NFILZ: variants seen among roughly 807,000 people sequenced by gnomAD.
The protein encoded by NFILZ is NFIL3 like basic leucine zipper.
chr19:8,672,126 A>T (rs932706809), intron 3 of NFILZ, among the ~76,000 whole-genome samples: 3 of 152,126 alleles, frequency 2.0e-5, no homozygotes, highest in Admixed American at 6.5e-5. Flanking sequence ...TTCCAAAAAG[A>T]TATTCATGCA....
At chr19:8,661,499 G>T (rs1268122606) in intron 3 of NFILZ, among the ~76,000 whole-genome samples, 1 of 152,124 alleles carries the variant, frequency 6.6e-6, no homozygotes, top group African/African-American at 2.4e-5. Context: ...ATGAGCTGAT[G>T]GGTTTGTTAA....
At chr19:8,635,082 G>T (rs1344864106) in intron 2 of NFILZ, among the ~76,000 whole-genome samples, 1 of 151,906 alleles carries the variant, frequency 6.6e-6, no homozygotes, top group African/African-American at 2.4e-5. Context: ...GGCTGAGGCG[G>T]GTGGATCACT....
intron 3 of NFILZ, among the ~76,000 whole-genome samples, chr19:8,636,216 G>A (rs1179010022): frequency 4.7e-5 from 7 of 150,042 alleles, no homozygotes; most frequent in Admixed American, 2.0e-4. Flanking sequence ...TTGGGAGGCC[G>A]AGGCGGGTGA....
intron 3 of NFILZ, among the ~76,000 whole-genome samples, chr19:8,662,826 G>A (rs1555749280): frequency 6.6e-6 from 1 of 151,472 alleles, no homozygotes; most frequent in Non-Finnish European, 1.5e-5. Flanking sequence ...TAGTAGACAT[G>A]GGGTTTCACT....
At chr19:8,657,324 G>A (rs1415355435) in intron 3 of NFILZ, among the ~76,000 whole-genome samples, 3 of 151,608 alleles carry the variant, frequency 2.0e-5, no homozygotes, top group Non-Finnish European at 2.9e-5. Flanking sequence ...GGATGGTCTC[G>A]ATCTCCTGAC....
intron 3 of NFILZ, among the ~76,000 whole-genome samples, chr19:8,639,297 C>G (rs1020933346): frequency 3.3e-5 from 5 of 152,162 alleles, no homozygotes; most frequent in African/African-American, 1.2e-4. Context: ...GCATGGCAGG[C>G]CAGGCATGGC....
rs564522108 is a variant in NFILZ at position 8,631,521 on chromosome 19, C to T, written c.-411+777C>T. ...TCTTCTGGGAAGGCAGCGGAGTCCC[C>T]TGGGACAAAGCCCAGGGATTAGCTC... is the stretch of plus-strand genomic sequence containing the variant. On this transcript the variant is annotated intron_variant, in intron 1 of 5. Coordinates refer to ENST00000691075, the MANE Select transcript of NFILZ (RefSeq NM_001378600.1). Among the ~76,000 whole-genome samples the T allele has an allele frequency of 1.0e-3, 153 of 152,202 alleles. 1 individual carries two copies. The highest frequency in any genetic ancestry group is 3.5e-3 in the African/African-American group (147 of 41,542).
chr19:8,646,658 G>A (rs2042940389), intron 3 of NFILZ, among the ~76,000 whole-genome samples: 1 of 152,158 alleles, frequency 6.6e-6, no homozygotes, highest in Admixed American at 6.6e-5. Context: ...CCTGCACAAT[G>A]CAGTTCCCTC....
At chr19:8,637,023 C>G (rs565763769) in intron 3 of NFILZ, among the ~76,000 whole-genome samples, 2 of 152,126 alleles carry the variant, frequency 1.3e-5, no homozygotes, top group Admixed American at 6.6e-5. Flanking sequence ...GACAGGGTGC[C>G]TGGAGGGGAG....
At chr19:8,669,491 A>AT (rs1347340449) in intron 3 of NFILZ, among the ~76,000 whole-genome samples, 6 of 152,134 alleles carry the variant, frequency 3.9e-5, no homozygotes, top group Admixed American at 3.9e-4. Flanking sequence ...AATCCTGCCT[A>AT]TTTCATTGCA....
At chr19:8,663,016 T>C (rs919731420) in intron 3 of NFILZ, among the ~76,000 whole-genome samples, 6 of 151,316 alleles carry the variant, frequency 4.0e-5, no homozygotes, top group African/African-American at 1.5e-4. Context: ...GGTGAGATTA[T>C]AGCAGACTGC....
At position 8,677,305 on chromosome 19, in the gene NFILZ, C is replaced by A. The variant is rs4804078; in HGVS notation, c.540C>A (p.Asn180Lys). 0.21 allele frequency among the ~76,000 whole-genome samples: 31,828 copies of A among 152,186 alleles called. 3,561 individuals carry two copies. Among genetic ancestry groups the A allele is most frequent in the South Asian group, 0.35 (1,696 of 4,816 alleles). ...AAGAGTCTGCATCTCCTACCCTCAA[C>A]AGAATTGACATGGCCTTGCAGACTG... ...SPQESASPTL[N>K]RIDMALQTAL... The change falls in exon 6 of 6, where the codon AAC (asparagine) becomes AAA (lysine). Residue 180 changes from asparagine (N) to lysine (K), a missense_variant. Asn to Lys is a moderately conservative substitution (Grantham distance 94). Coordinates refer to ENST00000691075, the MANE Select transcript of NFILZ (RefSeq NM_001378600.1).
At chr19:8,641,018 T>A (rs2042916822) in intron 3 of NFILZ, among the ~76,000 whole-genome samples, 1 of 152,212 alleles carries the variant, frequency 6.6e-6, no homozygotes, top group Non-Finnish European at 1.5e-5. Context: ...GACTGTTCTC[T>A]GCAAGGTTTG....
intron 3 of NFILZ, among the ~76,000 whole-genome samples, chr19:8,661,806 C>T (rs1600150700): frequency 1.3e-5 from 2 of 152,148 alleles, no homozygotes; most frequent in African/African-American, 4.8e-5. Context: ...GCAGGAGAAT[C>T]GCTTGAACCC....
chr19:8,658,473 A>T (rs2043015059), intron 3 of NFILZ, among the ~76,000 whole-genome samples: 1 of 152,106 alleles, frequency 6.6e-6, no homozygotes, highest in Non-Finnish European at 1.5e-5. Context: ...ATAACAAAAA[A>T]CATTGACAAC....
chr19:8,634,403 A>T (rs2042885283), intron 2 of NFILZ, among the ~76,000 whole-genome samples: 1 of 151,946 alleles, frequency 6.6e-6, no homozygotes, highest in African/African-American at 2.4e-5. Context: ...CTCCCACATC[A>T]GCCTCCTGAG....
chr19:8,641,432 T>G (rs10417877), intron 3 of NFILZ, among the ~76,000 whole-genome samples: 18,777 of 152,192 alleles, frequency 0.12, 1,623 homozygotes, highest in East Asian at 0.43. Flanking sequence ...GCTGGCCCAT[T>G]GCCAAAATTC....
chr19:8,631,772 T>C (rs1183270443), intron 1 of NFILZ, among the ~76,000 whole-genome samples: 3 of 152,090 alleles, frequency 2.0e-5, no homozygotes, highest in Admixed American at 6.6e-5. Flanking sequence ...CCCGCTGACC[T>C]CTTGAAGCGT....
chr19:8,661,659 AG>A (rs1279680505), intron 3 of NFILZ, among the ~76,000 whole-genome samples: 2 of 152,194 alleles, frequency 1.3e-5, no homozygotes, highest in East Asian at 3.8e-4. Context: ...TGGGAGTCCG[AG>A]GAGGGTGGAT....
Sources: gnomAD v4.1 joint callset for allele counts (sites outside exome capture counted in the v4.1 genomes callset) on GRCh38, gnomAD v4.1.1 for gene constraint, MANE v1.5 for transcripts, NCBI Gene and HGNC (gene_info 2026-07-23, HGNC 2026-07-21) for gene names.